The following PCDHGA7 variants were observed in gnomAD, a reference collection of about 807,000 sequenced individuals.
The protein encoded by PCDHGA7 is protocadherin gamma subfamily A, 7, also known as protocadherin gamma-A7.
A neutral mutation model predicts 58.3 loss-of-function variants in PCDHGA7; 44 were observed. That is an observed-to-expected ratio of 0.75 (90% CI 0.59 to 0.97). The LOEUF is 0.97. Ranked by LOEUF, PCDHGA7 falls within the 50% of genes least tolerant of loss-of-function variation. The pLI is 0.00. For missense variants in PCDHGA7, 1,266 were observed against 1,188.7 expected (o/e 1.06, Z -0.96); for synonymous variants, 516 against 504.2 (o/e 1.02, Z -0.31).
chr5:141,409,023 A>C, intron 1 of PCDHGA7: 1 of 1,614,044 alleles, frequency 6.2e-7, no homozygotes, highest in Non-Finnish European at 8.5e-7. Flanking sequence ...GAGGGGGTCA[A>C]TGCTGAGATA....
intron 1 of PCDHGA7, chr5:141,420,202 C>G: frequency 1.2e-6 from 2 of 1,613,256 alleles, no homozygotes; most frequent in Non-Finnish European, 1.7e-6. Context: ...AAGATAACCT[C>G]AACAAAGATA....
chr5:141,399,561 GT>G, intron 1 of PCDHGA7: 1 of 1,614,042 alleles, frequency 6.2e-7, no homozygotes, highest in Non-Finnish European at 8.5e-7. Context: ...TGGACTTGGG[GT>G]TGAACGGCCA....
chr5:141,476,040 G>T lies in PCDHGA7; in HGVS notation c.2425-18767G>T. On this transcript the variant is annotated intron_variant, in intron 1 of 3. Coordinates refer to ENST00000518325, the MANE Select transcript of PCDHGA7 (RefSeq NM_018920.4). This position sits in a 1 kb window ranked among gnomAD's most constrained non-coding sequence, Gnocchi z 7.6. ...CGGACTCGGCGCCCAGCGCCCAAGC[G>T]CTAACCCGCTGAAAGTTTCTCAGCG... is the stretch of plus-strand genomic sequence containing the variant. 1 of 1,488,704 alleles carries T rather than the reference G, an allele frequency of 6.7e-7. No homozygotes were observed. 92.2% of individuals were successfully genotyped at this position (1,488,704 alleles called of 1,614,324 possible).
At chr5:141,414,081 T>C (rs748527220) in intron 1 of PCDHGA7, 1 of 1,601,774 alleles carries the variant, frequency 6.2e-7, no homozygotes, top group South Asian at 1.1e-5. Flanking sequence ...ACAAATATAC[T>C]GGAGAAATAA....
intron 1 of PCDHGA7, chr5:141,418,398 T>C (rs754177868): frequency 6.2e-7 from 1 of 1,613,842 alleles, no homozygotes; most frequent in South Asian, 1.1e-5. Flanking sequence ...TATTTCTCAT[T>C]GGTGGAGAAA....
intron 1 of PCDHGA7, among the ~76,000 whole-genome samples, chr5:141,454,170 G>A (rs2098782662): frequency 6.6e-6 from 1 of 152,162 alleles, no homozygotes; most frequent in Admixed American, 6.5e-5. Context: ...TCTCTAGAAG[G>A]GCAGCTAAAG....
chr5:141,442,561 G>C (rs2098332268), intron 1 of PCDHGA7: 1 of 152,198 alleles, frequency 6.6e-6, no homozygotes, highest in African/African-American at 2.4e-5. Context: ...ACTAAGTTCA[G>C]TCACAAGCAG....
rs1457099502 is a variant in PCDHGA7 at position 141,477,430 on chromosome 5, A to G, written c.2425-17377A>G. The G allele has an allele frequency of 1.2e-6, 2 of 1,614,162 alleles. No individual in the cohort carries two copies. The highest frequency in any genetic ancestry group is 1.7e-6 in the Non-Finnish European group (2 of 1,180,020). Reference sequence around the variant, plus strand: ...GAGACGCCGGAACCCCTTCCCTCTCAGCCCTTACAATAGTGCGTGTTCAAG... The same window carrying G: ...GAGACGCCGGAACCCCTTCCCTCTCGGCCCTTACAATAGTGCGTGTTCAAG... On this transcript the variant is annotated intron_variant, in intron 1 of 3. Transcript: ENST00000518325. This position sits in a 1 kb window ranked among gnomAD's most constrained non-coding sequence, Gnocchi z 4.9.
rs1224625072 is a variant in PCDHGA7, at chr5:141,490,972, C to T, written c.2425-3835C>T. ...AGACTGGGAACACTCAGCCCCCCAG[C>T]GTCTCCCTCGCTCTGCTCCTCCTGG... On this transcript the variant is annotated intron_variant, in intron 1 of 3. Transcript: ENST00000518325. This position sits in a 1 kb window ranked among gnomAD's most constrained non-coding sequence, Gnocchi z 5.4. The T allele has an allele frequency of 1.2e-5, 20 of 1,613,912 alleles. No individual in the cohort carries two copies. Among genetic ancestry groups the T allele is most frequent in the East Asian group, 4.5e-5 (2 of 44,882 alleles).
intron 1 of PCDHGA7, chr5:141,424,504 GT>G (rs892941709): frequency 6.6e-6 from 1 of 152,016 alleles, no homozygotes; most frequent in Non-Finnish European, 1.5e-5. Context: ...TGTATGGAAG[GT>G]TTTTTAATGT....
At chr5:141,388,207 C>T (rs1374751231) in intron 1 of PCDHGA7, 1 of 1,578,332 alleles carries the variant, frequency 6.3e-7, no homozygotes, top group Admixed American at 1.7e-5. Flanking sequence ...GAATTTGAGG[C>T]TGTTGCTGAA....
Position 141,384,221 on chromosome 5 carries a change from AG to A in PCDHGA7, c.1324del (p.Val442TrpfsTer32). 1 of 1,613,936 alleles carries A rather than the reference AG, an allele frequency of 6.2e-7. No individual in the cohort carries two copies. On this transcript the variant is annotated frameshift_variant, in exon 1 of 4. Coordinates refer to ENST00000518325, the MANE Select transcript of PCDHGA7 (RefSeq NM_018920.4). LOFTEE classifies it high-confidence loss of function. ...TCCAGGGAAACTCACATATTCATGC[AG>A]GTGGCAGACACCAACGATAACCCAC... ...PLSRETHIFM[Q>X]VADTNDNPPT...
At position 141,393,204 on chromosome 5, in the gene PCDHGA7, C is replaced by G. The variant is rs373432896; in HGVS notation, c.2424+7881C>G. On this transcript the variant is annotated intron_variant, in intron 1 of 3. Transcript: ENST00000518325. ...AATAATTGATATTAACGATAATAAC[C>G]CAAAATTCCAGGTCGAAGATCTAGA... 7 of 1,613,342 alleles carry G rather than the reference C, an allele frequency of 4.3e-6. No homozygotes were observed. In the East Asian group the frequency reaches 1.6e-4, roughly 36 times the overall value.
At chr5:141,421,281 C>T in intron 1 of PCDHGA7, 2 of 1,612,970 alleles carry the variant, frequency 1.2e-6, no homozygotes, top group South Asian at 2.2e-5. Flanking sequence ...TGCTGCTGTG[C>T]ATTTTCCTGG....
rs377701820 is a variant in PCDHGA7 at position 141,422,031 on chromosome 5, G to A, written c.2424+36708G>A. On this transcript the variant is annotated intron_variant, in intron 1 of 3. Coordinates refer to ENST00000518325, the MANE Select transcript of PCDHGA7 (RefSeq NM_018920.4). ...CTCGGGTGCTGATGGTTAATGCAAC[G>A]GATCCAGACGAGGGAATCAACGGGG... 127 of 1,610,494 alleles carry A rather than the reference G, an allele frequency of 7.9e-5. No individual in the cohort carries two copies. In the East Asian group the frequency reaches 2.4e-3, roughly 31 times the overall value.
intron 1 of PCDHGA7, among the ~76,000 whole-genome samples, chr5:141,429,503 C>T (rs890656634): frequency 1.3e-5 from 2 of 151,922 alleles, no homozygotes; most frequent in Admixed American, 6.6e-5. Context: ...TTGCCTGAAA[C>T]TGTGCCTGGC....
chr5:141,443,018 A>G (rs2098358800), intron 1 of PCDHGA7, among the ~76,000 whole-genome samples: 1 of 152,208 alleles, frequency 6.6e-6, no homozygotes, highest in Admixed American at 6.5e-5. Flanking sequence ...TGACTAATGG[A>G]AGTTGCCAGA....
At chr5:141,416,253 A>G (rs1399251065) in intron 1 of PCDHGA7, 1 of 152,312 alleles carries the variant, frequency 6.6e-6, no homozygotes, top group Non-Finnish European at 1.5e-5. Flanking sequence ...AACTGATAAC[A>G]CTGCAGTATC....
chr5:141,478,553 T>C, intron 1 of PCDHGA7: 1 of 1,602,704 alleles, frequency 6.2e-7, no homozygotes. Context: ...ACAGGTAAGG[T>C]TTAGCAAGTC....
Sources: allele counts gnomAD v4.1 joint callset (sites outside exome capture counted in the v4.1 genomes callset), GRCh38; gene constraint gnomAD v4.1.1; non-coding constraint Gnocchi (gnomAD v3.1); transcripts MANE v1.5; gene names NCBI Gene and HGNC (gene_info 2026-07-23, HGNC 2026-07-21).